BRI3: variants seen among roughly 807,000 people sequenced by gnomAD.
BRI3 encodes membrane protein BRI3.
In BRI3, 6 loss-of-function variants were observed where a neutral mutation model predicts 12.8. That is an observed-to-expected ratio of 0.47 (90% CI 0.26 to 0.93). BRI3 has a LOEUF of 0.93. Ranked by LOEUF, BRI3 falls within the 40% of genes least tolerant of loss-of-function variation. The probability of loss-of-function intolerance (pLI) is 0.15; values close to 1 mark genes in which losing one functional copy is unlikely to be tolerated. For synonymous variants in BRI3, 91 were observed against 76.1 expected (o/e 1.20, Z -1.02); for missense variants, 134 against 171.1 (o/e 0.78, Z 1.21).
chr7:98,290,119 T>G (rs778764290), intron 2 of BRI3, among the ~76,000 whole-genome samples: 22 of 151,336 alleles, frequency 1.5e-4, no homozygotes, highest in Admixed American at 3.9e-4. Flanking sequence ...TGCTAGTTGC[T>G]CCTTTTCTAA....
Position 98,291,132 on chromosome 7 carries a change from C to T in BRI3, c.267C>T (p.Cys89=), listed in dbSNP as rs761977710. 14 of 1,614,168 alleles carry T rather than the reference C, an allele frequency of 8.7e-6. No homozygotes were observed. Among genetic ancestry groups the T allele is most frequent in the Non-Finnish European group, 1.2e-5 (14 of 1,179,998 alleles). ...GCAGGGTTGGGGTGCTGGAGGACTG[C>T]TTCACCTTCCTGGGCATCTTCCTGG... ...PVCRVGVLED[C]FTFLGIFLAI... Residue 89 remains cysteine, a synonymous_variant, in exon 3 of 3, where the codon TGC becomes TGT. Coordinates refer to ENST00000297290, the MANE Select transcript of BRI3 (RefSeq NM_015379.5).
upstream of BRI3, chr7:98,304,177 C>G (rs751086471): frequency 6.4e-7 from 1 of 1,555,854 alleles, no homozygotes; most frequent in Non-Finnish European, 8.7e-7. Context: ...CCAGGACGCC[C>G]TGCTGCGGCT....
intron 2 of BRI3, among the ~76,000 whole-genome samples, chr7:98,286,946 G>A (rs963958443): frequency 1.3e-5 from 2 of 152,246 alleles, no homozygotes; most frequent in African/African-American, 4.8e-5. Flanking sequence ...GGGTACGGCT[G>A]TGGAATCCTG....
the BRI3 span, among the ~76,000 whole-genome samples, chr7:98,319,290 CT>C: frequency 6.6e-6 from 1 of 152,190 alleles, no homozygotes; most frequent in African/African-American, 2.4e-5. Context: ...CTGGATAAAC[CT>C]GCTGAAATGG....
chr7:98,316,270 T>C, the BRI3 span, among the ~76,000 whole-genome samples: 2 of 152,148 alleles, frequency 1.3e-5, no homozygotes, highest in African/African-American at 4.8e-5. Flanking sequence ...CCATTAAATC[T>C]CTTTCTTTTG....
downstream of BRI3, chr7:98,294,036 T>G (rs538027916): frequency 6.2e-7 from 1 of 1,608,424 alleles, no homozygotes; most frequent in South Asian, 1.1e-5. Context: ...GGAAGAGCAA[T>G]GTCACACACT....
intron 1 of BRI3, among the ~76,000 whole-genome samples, chr7:98,298,217 T>C (rs528863210): frequency 6.6e-6 from 1 of 152,274 alleles, no homozygotes; most frequent in Admixed American, 6.5e-5. Flanking sequence ...GCTTCCCAGG[T>C]GAGTGGGATG....
At chr7:98,301,782 G>T (rs1335423250), upstream of BRI3, among the ~76,000 whole-genome samples, 1 of 152,140 alleles carries the variant, frequency 6.6e-6, no homozygotes, top group Non-Finnish European at 1.5e-5. Context: ...CTGGATGACT[G>T]GGAATCTCTC....
At chr7:98,312,535 T>G (rs1193726136), downstream of BRI3, among the ~76,000 whole-genome samples, 2 of 152,104 alleles carry the variant, frequency 1.3e-5, no homozygotes, top group Admixed American at 1.3e-4. Context: ...GGTAAATGGT[T>G]AAGAGCAAGA....
chr7:98,308,339 A>G (rs1360275970), exon 2 of BRI3: 1 of 455,736 alleles, frequency 2.2e-6, no homozygotes, highest in Non-Finnish European at 4.4e-6. Context: ...CTGGAAATGC[A>G]GTTGGTCTTG....
chr7:98,310,331 C>A lies in BRI3; in HGVS notation n.2961C>A, dbSNP rs138856963. On this transcript the variant is annotated non_coding_transcript_exon_variant, in exon 2 of 2. Transcript: ENST00000485422. ...GCCAGGGCTGAATGTATCTACCATA[C>A]CTGCTTGTTTACCTCCAAACCTTGC... 2.0e-4 allele frequency: 240 copies of A among 1,206,354 alleles called. 2 individuals are homozygous for A. The African/African-American group carries it at 3.2e-3, about 16-fold the overall frequency. 74.7% of individuals were successfully genotyped at this position (1,206,354 alleles called of 1,614,324 possible). A position where few individuals can be genotyped will look rare whatever the true frequency, so the allele number is the denominator to read the frequency against.
At chr7:98,294,918 T>G (rs184886594), downstream of BRI3, among the ~76,000 whole-genome samples, 22 of 152,210 alleles carry the variant, frequency 1.4e-4, no homozygotes, top group African/African-American at 5.1e-4. Context: ...TGTGCGCGCC[T>G]TCTTTCCCTC....
chr7:98,292,462 G>A (rs1307510018), downstream of BRI3: 8 of 630,338 alleles, frequency 1.3e-5, no homozygotes, highest in Admixed American at 5.8e-5. Flanking sequence ...TACCTGGGCC[G>A]GGCTGGGAAT....
At chr7:98,301,189 C>T (rs1800404863) in intron 1 of BRI3, among the ~76,000 whole-genome samples, 3 of 152,178 alleles carry the variant, frequency 2.0e-5, no homozygotes, top group Non-Finnish European at 2.9e-5. Context: ...CAGAGGTCTG[C>T]GGCCCAGGAA....
chr7:98,316,297 G>C, the BRI3 span, among the ~76,000 whole-genome samples: 1 of 151,996 alleles, frequency 6.6e-6, no homozygotes, highest in Non-Finnish European at 1.5e-5. Flanking sequence ...GCCCAGTCTC[G>C]GGGTATGTCT....
rs757739992 is a variant in BRI3, at chr7:98,282,463, T to C, written c.245+10T>C. 1 of 1,608,032 alleles carries C rather than the reference T, an allele frequency of 6.2e-7. No individual in the cohort carries two copies. Among genetic ancestry groups the C allele is most frequent in the South Asian group, 1.1e-5 (1 of 90,968 alleles). ...GCTGTCCTGTCTGCAGGTGAGTGGG[T>C]CTGCAGCCTGGGGACTGGCCCTGGA... On this transcript the variant is annotated intron_variant, in intron 2 of 2. Coordinates refer to ENST00000297290, the MANE Select transcript of BRI3 (RefSeq NM_015379.5).
At chr7:98,319,959 C>T in the BRI3 span, 3 of 952,176 alleles carry the variant, frequency 3.2e-6, no homozygotes, top group South Asian at 3.1e-5. Context: ...GAGCTTCTCT[C>T]CTGTCTGCTG....
rs530600519 is a variant in BRI3 at position 98,287,803 on chromosome 7, C to T, written c.246-3308C>T. 3.3e-5 allele frequency among the ~76,000 whole-genome samples: 5 copies of T among 152,224 alleles called. No homozygotes were observed. In the South Asian group the frequency reaches 1.0e-3, roughly 31 times the overall value. ...GCCCCCAGGCAGCACTGTGAAGCCC[C>T]ACCCCTGCCCATTGCACCATCACAC... On this transcript the variant is annotated intron_variant, in intron 2 of 2. Coordinates refer to ENST00000297290, the MANE Select transcript of BRI3 (RefSeq NM_015379.5).
downstream of BRI3, chr7:98,310,686 C>CAATTTATT: frequency 3.7e-6 from 3 of 804,098 alleles, no homozygotes; most frequent in Non-Finnish European, 5.5e-6. Context: ...AAATAATAGG[C>CAATTTATT]TATTTATTTA....
Sources: allele counts gnomAD v4.1 joint callset (sites outside exome capture counted in the v4.1 genomes callset), GRCh38; gene constraint gnomAD v4.1.1; transcripts MANE v1.5; gene names NCBI Gene and HGNC (gene_info 2026-07-23, HGNC 2026-07-21).